ARID5B: variants seen among roughly 807,000 people sequenced by gnomAD.
The protein encoded by ARID5B is AT-rich interactive domain-containing protein 5B.
ARID5B carries 13 observed loss-of-function variants against 97.2 expected under a neutral mutation model. The observed-to-expected ratio is 0.13, with a 90% CI of 0.09 to 0.21. ARID5B has a LOEUF of 0.21. ARID5B is among the 10% of genes least tolerant of loss of function. The pLI is 1.00. For synonymous variants in ARID5B, 556 were observed against 570.3 expected (o/e 0.97, Z 0.36); for missense variants, 1,210 against 1,465.3 (o/e 0.83, Z 2.84).
At chr10:61,937,026 C>T (rs1436470634) in intron 2 of ARID5B, among the ~76,000 whole-genome samples, 1 of 152,166 alleles carries the variant, frequency 6.6e-6, no homozygotes, top group South Asian at 2.1e-4. Context: ...CAAGTCCTGC[C>T]GTCAGTTGGT....
chr10:61,920,718 T>C (rs1298449341), intron 2 of ARID5B, among the ~76,000 whole-genome samples: 1 of 152,200 alleles, frequency 6.6e-6, no homozygotes, highest in African/African-American at 2.4e-5. Context: ...ATTTATATTT[T>C]TAAATATGGG....
intron 4 of ARID5B, among the ~76,000 whole-genome samples, chr10:62,023,879 C>T (rs1290004289): frequency 2.0e-5 from 3 of 152,180 alleles, no homozygotes; most frequent in African/African-American, 7.2e-5. Context: ...GTAAAGTAGT[C>T]GTTATGATCA....
intron 5 of ARID5B, among the ~76,000 whole-genome samples, chr10:62,052,533 C>A (rs1416830807): frequency 6.6e-6 from 1 of 152,174 alleles, no homozygotes; most frequent in Non-Finnish European, 1.5e-5. Context: ...AAGCTCCTTC[C>A]CATGCCACTT....
At chr10:61,971,449 G>T (rs1838625434) in intron 3 of ARID5B, among the ~76,000 whole-genome samples, 1 of 152,192 alleles carries the variant, frequency 6.6e-6, no homozygotes, top group Admixed American at 6.5e-5. Flanking sequence ...CTATGCTGAG[G>T]GTTGTTGATA....
At chr10:61,999,533 C>G in intron 3 of ARID5B, among the ~76,000 whole-genome samples, 1 of 152,156 alleles carries the variant, frequency 6.6e-6, no homozygotes, top group Non-Finnish European at 1.5e-5. Context: ...ACCCACTGCC[C>G]CTGCCAAGCC....
At chr10:62,062,612 C>G (rs539779953) in intron 7 of ARID5B, among the ~76,000 whole-genome samples, 14 of 152,116 alleles carry the variant, frequency 9.2e-5, no homozygotes, top group African/African-American at 3.1e-4. Context: ...GGGTAGAATA[C>G]TCATATTCCT....
chr10:61,909,317 A>AG (rs1843759590), intron 2 of ARID5B, among the ~76,000 whole-genome samples: 6 of 97,418 alleles, frequency 6.2e-5, no homozygotes, highest in Middle Eastern at 0.01. Flanking sequence ...CTATTCAGTG[A>AG]GTTTTTTTTT....
At chr10:61,937,290 T>C (rs1844321938) in intron 2 of ARID5B, among the ~76,000 whole-genome samples, 1 of 152,156 alleles carries the variant, frequency 6.6e-6, no homozygotes, top group South Asian at 2.1e-4. Context: ...GATTGAGGTC[T>C]GGGTATTTTT....
chr10:62,069,351 T>G (rs901061536), intron 7 of ARID5B, among the ~76,000 whole-genome samples: 22 of 152,210 alleles, frequency 1.4e-4, no homozygotes, highest in Non-Finnish European at 1.2e-4. Flanking sequence ...ATATTTCAGC[T>G]AAAACCTGAT....
At chr10:62,037,429 G>C (rs1839580365) in intron 4 of ARID5B, among the ~76,000 whole-genome samples, 1 of 152,178 alleles carries the variant, frequency 6.6e-6, no homozygotes, top group South Asian at 2.1e-4. Context: ...TCACCATTTA[G>C]AGATGTTTCA....
rs141049493 is a variant in ARID5B, at chr10:62,000,114, G to T, written c.526G>T (p.Val176Leu). The change falls in exon 4 of 10, where the codon GTG becomes TTG. Residue 176 changes from valine (V) to leucine (L), a missense_variant. Val to Leu is a conservative substitution (Grantham distance 32, BLOSUM62 1). This residue lies in a region of ARID5B where 82 missense variants were observed against 79.3 expected (regional missense o/e 1.03). Transcript: ENST00000279873. This position sits in a 1 kb window ranked among gnomAD's most constrained non-coding sequence, Gnocchi z 4.4. ...DLGEDEEETN[V>L]IVLSYPQYCR... ...AGGGGAGGACGAGGAAGAAACGAAC[G>T]TGATAGTTCTCAGCTACCCCCAGTA... 10 of 1,613,812 alleles carry T rather than the reference G, an allele frequency of 6.2e-6. No homozygotes were observed. Among genetic ancestry groups the T allele is most frequent in the African/African-American group, 2.7e-5 (2 of 74,892 alleles).
chr10:62,027,485 A>C (rs1240544870), intron 4 of ARID5B, among the ~76,000 whole-genome samples: 1 of 147,694 alleles, frequency 6.8e-6, no homozygotes, highest in Admixed American at 6.7e-5. Flanking sequence ...ATTTTTTTGT[A>C]TTTTTTTGTA....
chr10:62,006,275 C>T (rs539030149), intron 4 of ARID5B, among the ~76,000 whole-genome samples: 1 of 152,238 alleles, frequency 6.6e-6, no homozygotes, highest in African/African-American at 2.4e-5. Context: ...AACCTCTTCT[C>T]TACTAAAAAT....
chr10:62,070,253 G>A (rs893844019), intron 8 of ARID5B, among the ~76,000 whole-genome samples: 1 of 152,084 alleles, frequency 6.6e-6, no homozygotes, highest in African/African-American at 2.4e-5. Flanking sequence ...TTTCATCCTG[G>A]TATTTTTCTT....
chr10:62,021,068 A>ATATATATC (rs1193110744), intron 4 of ARID5B, among the ~76,000 whole-genome samples: 3 of 134,776 alleles, frequency 2.2e-5, no homozygotes, highest in Non-Finnish European at 3.2e-5. Flanking sequence ...ATATATATAT[A>ATATATATC]TCTCAGAAGA....
At chr10:61,946,583 T>A (rs1838236470) in intron 3 of ARID5B, among the ~76,000 whole-genome samples, 1 of 152,212 alleles carries the variant, frequency 6.6e-6, no homozygotes, top group African/African-American at 2.4e-5. Context: ...TGCACTATAC[T>A]ATTCATGAAT....
At chr10:61,960,154 A>G (rs1838450530) in intron 3 of ARID5B, among the ~76,000 whole-genome samples, 1 of 152,080 alleles carries the variant, frequency 6.6e-6, no homozygotes, top group South Asian at 2.1e-4. Context: ...GTCTTATTTC[A>G]TATATTTTTC....
intron 5 of ARID5B, among the ~76,000 whole-genome samples, chr10:62,052,699 G>A (rs1839806482): frequency 1.3e-5 from 2 of 152,164 alleles, no homozygotes; most frequent in Non-Finnish European, 2.9e-5. Flanking sequence ...TATACAGATG[G>A]GCCATATTTG....
rs1052276295 is a variant in ARID5B, at chr10:61,919,050, C to G, written c.276+16637C>G. Among the ~76,000 whole-genome samples, 10 of 109,542 alleles carry G rather than the reference C, an allele frequency of 9.1e-5. No homozygotes were observed. The East Asian group carries it at 1.1e-3, about 12-fold the overall frequency. 71.9% of individuals were successfully genotyped at this position (109,542 alleles called of 152,430 possible). ...GCCTGACTCCGTCCCCCCCCCCCCCCCCAAAAAAATAAAAGGTGCGTTAGG... is the reference window on the plus strand; with the variant it reads ...GCCTGACTCCGTCCCCCCCCCCCCCGCCAAAAAAATAAAAGGTGCGTTAGG... On this transcript the variant is annotated intron_variant, in intron 2 of 9. Transcript: ENST00000279873.
Sources: gnomAD v4.1 joint callset for allele counts (sites outside exome capture counted in the v4.1 genomes callset) on GRCh38, gnomAD v4.1.1 for gene constraint, gnomAD v4.1.1 regional missense constraint, Gnocchi (gnomAD v3.1) non-coding constraint, MANE v1.5 for transcripts, NCBI Gene and HGNC (gene_info 2026-07-23, HGNC 2026-07-21) for gene names.